The following CAPZB variants were observed in gnomAD, a reference collection of about 807,000 sequenced individuals.
CAPZB encodes the protein F-actin-capping protein subunit beta.
Under a neutral mutation model 38.1 loss-of-function variants are expected in CAPZB, and 2 were observed. That is an observed-to-expected ratio of 0.05 (90% CI 0.02 to 0.17). The LOEUF (loss-of-function observed/expected upper bound fraction) is 0.17, where lower values mean the gene tolerates loss of function less well. Ranked by LOEUF, CAPZB falls within the 10% of genes least tolerant of loss-of-function variation. The probability of loss-of-function intolerance (pLI) is 1.00; values close to 1 mark genes in which losing one functional copy is unlikely to be tolerated. For missense variants in CAPZB, 161 were observed against 334.2 expected (o/e 0.48, Z 4.04); for synonymous variants, 107 against 127.4 (o/e 0.84, Z 1.08).
chr1:19,485,401 C>G, intron 1 of CAPZB, 35 bp downstream of exon 1: 1 of 1,219,292 alleles, frequency 8.2e-7, no homozygotes, highest in Non-Finnish European at 1.0e-6. Flanking sequence ...TCCGGAGGGG[C>G]CCCCGGGCCG....
intron 1 of CAPZB, among the ~76,000 whole-genome samples, chr1:19,443,404 AAAAAT>A (rs1260002951): frequency 1.3e-5 from 2 of 152,128 alleles, no homozygotes; most frequent in African/African-American, 4.8e-5. Flanking sequence ...TCAAAAAAAT[AAAAAT>A]AAAAGATAAA....
Position 19,339,344 on chromosome 1 carries a change from C to T in CAPZB, c.*186G>A, listed in dbSNP as rs2100209353. The T allele has an allele frequency of 1.6e-6, 1 of 642,630 alleles. No homozygotes were observed. Among genetic ancestry groups the T allele is most frequent in the South Asian group, 1.8e-5 (1 of 55,354 alleles). The allele number at this position is 642,630 out of a possible 1,614,324, so 39.8% of individuals were successfully genotyped here. The stretch of plus-strand genomic sequence containing the variant: ...GAGAGCGAGGTGTGGCAGAAGCAGG[C>T]TCGGAGCCGGAGGAGGGTGGCTATC... On this transcript the variant is annotated 3_prime_UTR_variant, in exon 9 of 9. Coordinates refer to ENST00000264202, the MANE Select transcript of CAPZB (RefSeq NM_004930.5).
chr1:19,454,368 C>G (rs1371646760), intron 1 of CAPZB, among the ~76,000 whole-genome samples: 1 of 152,148 alleles, frequency 6.6e-6, no homozygotes, highest in African/African-American at 2.4e-5. Context: ...CTATGTTACC[C>G]CATAATATCT....
intron 1 of CAPZB, among the ~76,000 whole-genome samples, chr1:19,438,392 C>T (rs1351078313): frequency 6.6e-6 from 1 of 152,158 alleles, no homozygotes; most frequent in African/African-American, 2.4e-5. Flanking sequence ...GAAGCTGGGC[C>T]TCTCTTCTAC....
At chr1:19,478,902 A>G (rs1351866029) in intron 1 of CAPZB, among the ~76,000 whole-genome samples, 3 of 152,322 alleles carry the variant, frequency 2.0e-5, no homozygotes, top group African/African-American at 7.2e-5. Flanking sequence ...GGAATATTAA[A>G]AAGTCATCAG....
chr1:19,411,617 A>G (rs1203618347), intron 2 of CAPZB, among the ~76,000 whole-genome samples: 3 of 152,182 alleles, frequency 2.0e-5, no homozygotes, highest in Non-Finnish European at 1.5e-5. Flanking sequence ...TCTTTCATTC[A>G]TTCCACCGTA....
chr1:19,424,831 T>A (rs1156749498), intron 1 of CAPZB, among the ~76,000 whole-genome samples: 1 of 152,224 alleles, frequency 6.6e-6, no homozygotes, highest in Non-Finnish European at 1.5e-5. Context: ...CATCCTGGAT[T>A]TGGCCGCTTG....
In CAPZB at chr1:19,341,052, G is replaced by C. The variant is rs367767130; in HGVS notation, c.732-1435C>G. Among the ~76,000 whole-genome samples the C allele has an allele frequency of 8.5e-5, 13 of 152,256 alleles. 2 individuals carry two copies. ...GCACCCAGACTGAGTTCTGGCTACC[G>C]AATCCCTACAAGTCACAGGAAGAGC... On this transcript the variant is annotated intron_variant, in intron 8 of 8. Transcript: ENST00000264202.
intron 2 of CAPZB, among the ~76,000 whole-genome samples, chr1:19,399,416 G>A (rs1453683869): frequency 6.6e-6 from 1 of 152,150 alleles, no homozygotes; most frequent in Non-Finnish European, 1.5e-5. Flanking sequence ...CAGGAACCAT[G>A]GGCAGTGTTG....
At chr1:19,340,225 C>T (rs1377750587) in intron 8 of CAPZB, among the ~76,000 whole-genome samples, 2 of 152,228 alleles carry the variant, frequency 1.3e-5, no homozygotes, top group Admixed American at 1.3e-4. Flanking sequence ...TCTGAGCACA[C>T]TGTGTTTATG....
In CAPZB at chr1:19,410,441, A is replaced by G. The variant is rs531886512; in HGVS notation, c.93+9220T>C. Among the ~76,000 whole-genome samples the G allele has an allele frequency of 8.5e-4, 129 of 152,344 alleles. 1 individual carries two copies. Among genetic ancestry groups the G allele is most frequent in the Non-Finnish European group, 1.0e-3 (68 of 68,030 alleles). On this transcript the variant is annotated intron_variant, in intron 2 of 8. Coordinates refer to ENST00000264202, the MANE Select transcript of CAPZB (RefSeq NM_004930.5). The stretch of plus-strand genomic sequence containing the variant: ...TTGTGTCTGGGCAGGATGCTTTCAA[A>G]ATAGCACTTTCCCCCCAAACACACA...
intron 1 of CAPZB, among the ~76,000 whole-genome samples, chr1:19,448,414 A>C (rs568920552): frequency 2.6e-5 from 4 of 152,320 alleles, no homozygotes; most frequent in Non-Finnish European, 5.9e-5. Flanking sequence ...ATGGAAAATA[A>C]TACATTACTT....
intron 3 of CAPZB, among the ~76,000 whole-genome samples, chr1:19,382,723 G>A (rs141405206): frequency 8.6e-4 from 131 of 152,262 alleles, no homozygotes; most frequent in African/African-American, 3.0e-3. Context: ...GCCTAGCCAC[G>A]GACCTAGACA....
chr1:19,454,597 G>C (rs2094527242), intron 1 of CAPZB, among the ~76,000 whole-genome samples: 1 of 152,108 alleles, frequency 6.6e-6, no homozygotes, highest in South Asian at 2.1e-4. Context: ...GGAAACCGAG[G>C]CTCAGTGACC....
At chr1:19,406,912 T>TA (rs1210733414) in intron 2 of CAPZB, among the ~76,000 whole-genome samples, 1 of 152,166 alleles carries the variant, frequency 6.6e-6, no homozygotes, top group Non-Finnish European at 1.5e-5. Flanking sequence ...TTCTTGAAGT[T>TA]AGTGTCATGC....
At chr1:19,468,931 G>A (rs1033289860) in intron 1 of CAPZB, among the ~76,000 whole-genome samples, 4 of 152,114 alleles carry the variant, frequency 2.6e-5, no homozygotes, top group South Asian at 2.1e-4. Flanking sequence ...TTCAATGTAC[G>A]GCTGCACTCA....
At chr1:19,451,528 G>A (rs763336442) in intron 1 of CAPZB, among the ~76,000 whole-genome samples, 1 of 152,090 alleles carries the variant, frequency 6.6e-6, no homozygotes, top group Non-Finnish European at 1.5e-5. Context: ...CTACAGGCAC[G>A]TGTCATCTAG....
intron 2 of CAPZB, among the ~76,000 whole-genome samples, chr1:19,389,413 G>C (rs1436096268): frequency 6.9e-6 from 1 of 145,636 alleles, no homozygotes; most frequent in African/African-American, 2.5e-5. Context: ...CTTCCTAAAG[G>C]TTACATGGGT....
At chr1:19,418,136 C>CAAAAAA (rs59390448) in intron 2 of CAPZB, among the ~76,000 whole-genome samples, 6 of 35,326 alleles carry the variant, frequency 1.7e-4, no homozygotes, top group African/African-American at 4.1e-4. Flanking sequence ...ACTCTGTCAC[C>CAAAAAA]AAAAAAAAAA....
Sources: allele counts gnomAD v4.1 joint callset (sites outside exome capture counted in the v4.1 genomes callset), GRCh38; gene constraint gnomAD v4.1.1; transcripts MANE v1.5; gene names NCBI Gene and HGNC (gene_info 2026-07-23, HGNC 2026-07-21).